EIF3B: variants seen among roughly 807,000 people sequenced by gnomAD.
EIF3B encodes the protein eukaryotic translation initiation factor 3 subunit 9.
A neutral mutation model predicts 104.6 loss-of-function variants in EIF3B; 10 were observed. The ratio of observed to expected loss-of-function variants is 0.10; its 90% CI spans 0.06 to 0.16. The LOEUF is 0.16. Ranked by LOEUF, EIF3B falls within the 10% of genes least tolerant of loss-of-function variation. The pLI, the probability that EIF3B is intolerant of heterozygous loss-of-function variation, is 1.00. For synonymous variants in EIF3B, 542 were observed against 417.2 expected (o/e 1.30, Z -3.65); for missense variants, 1,014 against 1,087.9 (o/e 0.93, Z 0.96).
rs975562758 is a variant in EIF3B at position 2,376,941 on chromosome 7, C to G, written c.2029-9C>G. 1.2e-6 allele frequency: 2 copies of G among 1,612,628 alleles called. No homozygotes were observed. The highest frequency in any genetic ancestry group is 1.7e-6 in the Non-Finnish European group (2 of 1,179,058). ...CTCTGTGTCCTGGTGTGTCCCTGCC[C>G]TGGCCTAGGTGGACAACGCGTACTG... On this transcript the variant is annotated splice_polypyrimidine_tract_variant and intron_variant, in intron 14 of 18. Coordinates refer to ENST00000360876, the MANE Select transcript of EIF3B (RefSeq NM_001037283.2).
intron 11 of EIF3B, chr7:2,372,071 G>C (rs1248918090): frequency 3.7e-5 from 19 of 516,968 alleles, no homozygotes; most frequent in Non-Finnish European, 5.3e-5. Context: ...GCCAGGTGTG[G>C]TGGTGCGCAC....
chr7:2,364,610 C>A, intron 6 of EIF3B, 81 bp downstream of exon 6: 1 of 1,326,270 alleles, frequency 7.5e-7, no homozygotes, highest in Non-Finnish European at 1.1e-6. Context: ...CATTTTGTAG[C>A]ATTTCAAACT....
At chr7:2,359,724 G>A (rs1361281630) in intron 1 of EIF3B, among the ~76,000 whole-genome samples, 1 of 152,214 alleles carries the variant, frequency 6.6e-6, no homozygotes, top group Non-Finnish European at 1.5e-5. Flanking sequence ...CATCTGAAAT[G>A]GGGGCCAGTC....
At chr7:2,375,300 G>C (rs1780571539) in intron 13 of EIF3B, 89 bp from the exon 14 acceptor site, 1 of 1,567,700 alleles carries the variant, frequency 6.4e-7, no homozygotes, top group Non-Finnish European at 8.7e-7. Flanking sequence ...CTGGCTCCCT[G>C]GGGACCCCAT....
intron 1 of EIF3B, among the ~76,000 whole-genome samples, chr7:2,355,690 G>A (rs541942737): frequency 3.3e-5 from 5 of 152,320 alleles, no homozygotes; most frequent in African/African-American, 1.2e-4. Context: ...AGAAATCTGA[G>A]AGGGTGGGAG....
At chr7:2,375,220 T>C in intron 13 of EIF3B, 169 bp from the exon 14 acceptor site, 1 of 704,868 alleles carries the variant, frequency 1.4e-6, no homozygotes, top group Admixed American at 2.4e-5. Flanking sequence ...ACTCTGCATC[T>C]GTGATTTGGT....
chr7:2,368,783 C>T (rs562448819), intron 9 of EIF3B, among the ~76,000 whole-genome samples: 72 of 152,344 alleles, frequency 4.7e-4, no homozygotes, highest in Admixed American at 8.5e-4. Context: ...TTTTATTTAT[C>T]GCAAAACTTG....
At chr7:2,372,557 A>G in intron 11 of EIF3B, 116 bp from the exon 12 acceptor site, 1 of 1,335,566 alleles carries the variant, frequency 7.5e-7, no homozygotes, top group Non-Finnish European at 1.0e-6. Context: ...CCTTTTAATG[A>G]ACTTTTACAC....
intron 1 of EIF3B, among the ~76,000 whole-genome samples, chr7:2,355,970 G>T (rs1779405509): frequency 6.6e-6 from 1 of 151,994 alleles, no homozygotes; most frequent in African/African-American, 2.4e-5. Flanking sequence ...TTTATCTCTT[G>T]CGCTAAATCT....
intron 1 of EIF3B, among the ~76,000 whole-genome samples, chr7:2,356,045 A>G (rs1783860722): frequency 1.3e-5 from 2 of 152,234 alleles, no homozygotes; most frequent in South Asian, 2.1e-4. Flanking sequence ...CTTCATCTCA[A>G]CCTTGATTGG....
At chr7:2,374,865 T>G in intron 13 of EIF3B, 1 of 385,126 alleles carries the variant, frequency 2.6e-6, no homozygotes, top group Non-Finnish European at 4.7e-6. Flanking sequence ...CTGCGGGTTG[T>G]GGTTCTCTGT....
At position 2,354,931 on chromosome 7, in the gene EIF3B, G is replaced by A. The variant is rs1459066307; in HGVS notation, c.10G>A (p.Ala4Thr). 5 of 1,230,702 alleles carry A rather than the reference G, an allele frequency of 4.1e-6. No homozygotes were observed. Among genetic ancestry groups the A allele is most frequent in the Non-Finnish European group, 5.1e-6 (5 of 978,624 alleles). The allele number at this position is 1,230,702 out of a possible 1,614,324, so 76.2% of individuals were successfully genotyped here. A position where few individuals can be genotyped will look rare whatever the true frequency, so the allele number is the denominator to read the frequency against. MQD[A>T]ENVAVPEAAE... ...AGGCAGCGTTGGGCCCATGCAGGAC[G>A]CGGAGAACGTGGCGGTGCCCGAGGC... The change falls in exon 1 of 19, where the codon GCG becomes ACG. Residue 4 changes from alanine to threonine, a missense_variant. Physicochemically the swap from Ala to Thr is moderately conservative, Grantham distance 58 (BLOSUM62 0). Transcript: ENST00000360876.
intron 1 of EIF3B, among the ~76,000 whole-genome samples, chr7:2,359,118 C>T (rs972873251): frequency 3.9e-5 from 6 of 152,124 alleles, no homozygotes; most frequent in East Asian, 1.9e-4. Context: ...GTTTAAGTGC[C>T]GGTCTCTGCC....
At chr7:2,379,048 TG>T in intron 16 of EIF3B, 85 bp from the exon 17 acceptor site, 2 of 1,165,496 alleles carry the variant, frequency 1.7e-6, no homozygotes, top group Non-Finnish European at 2.5e-6. Context: ...GCTGTCCTTC[TG>T]GCACCGTCCG....
chr7:2,371,682 C>T (rs1780347784), intron 10 of EIF3B, 95 bp from the exon 11 acceptor site: 4 of 996,602 alleles, frequency 4.0e-6, no homozygotes, highest in Non-Finnish European at 3.2e-6. Context: ...GGCATGCACA[C>T]TGAATCTTTC....
At chr7:2,374,668 C>T in intron 13 of EIF3B, 62 bp downstream of exon 13, 3 of 1,463,324 alleles carry the variant, frequency 2.1e-6, no homozygotes, top group Non-Finnish European at 2.8e-6. Flanking sequence ...GGCAGAGACC[C>T]CTCAGGCGCC....
At chr7:2,358,683 T>C (rs746733009) in intron 1 of EIF3B, among the ~76,000 whole-genome samples, 1 of 151,864 alleles carries the variant, frequency 6.6e-6, no homozygotes, top group Non-Finnish European at 1.5e-5. Flanking sequence ...CCCACCACCA[T>C]GCTTGGATCA....
In EIF3B at chr7:2,379,526, G is replaced by C. The variant is rs1780880363; in HGVS notation, c.*14+15G>C. 6.7e-7 allele frequency: 1 copy of C among 1,484,438 alleles called. No homozygotes were observed. The allele number at this position is 1,484,438 out of a possible 1,614,324, so 92.0% of individuals were successfully genotyped here. On this transcript the variant is annotated intron_variant, in intron 18 of 18. Coordinates refer to ENST00000360876, the MANE Select transcript of EIF3B (RefSeq NM_001037283.2). ...GGAGCACTGTGGTGAGCGTCTGCAG[G>C]GGGCGCGATGGGGGTCCTGTTGGCT...
At chr7:2,369,922 G>A (rs1410141688) in intron 10 of EIF3B, among the ~76,000 whole-genome samples, 1 of 151,678 alleles carries the variant, frequency 6.6e-6, no homozygotes, top group Non-Finnish European at 1.5e-5. Context: ...GACTATAGGC[G>A]TCCACCACCA....
Sources: gnomAD v4.1 joint callset for allele counts (sites outside exome capture counted in the v4.1 genomes callset) on GRCh38, gnomAD v4.1.1 for gene constraint, MANE v1.5 for transcripts, NCBI Gene and HGNC (gene_info 2026-07-23, HGNC 2026-07-21) for gene names.